ZNF385D: variants seen among roughly 807,000 people sequenced by gnomAD.
ZNF385D encodes the protein zinc finger protein 385D.
ZNF385D carries 15 observed loss-of-function variants against 35.8 expected under a neutral mutation model. That is an observed-to-expected ratio of 0.42 (90% CI 0.28 to 0.64). The LOEUF is 0.64. Ranked by LOEUF, ZNF385D falls within the 30% of genes least tolerant of loss-of-function variation. The pLI is 0.23. For synonymous variants in ZNF385D, 212 were observed against 186.8 expected (o/e 1.13, Z -1.10); for missense variants, 474 against 494.6 (o/e 0.96, Z 0.39).
In ZNF385D at chr3:21,646,522, C is replaced by G. The variant is rs1242373605; in HGVS notation, c.165+18364G>C. Among the ~76,000 whole-genome samples, 5 of 152,164 alleles carry G rather than the reference C, an allele frequency of 3.3e-5. No homozygotes were observed. Among genetic ancestry groups the G allele is most frequent in the Admixed American group, 6.5e-5 (1 of 15,276 alleles). On this transcript the variant is annotated intron_variant, in intron 2 of 7. Coordinates refer to ENST00000281523, the MANE Select transcript of ZNF385D (RefSeq NM_024697.3). This position sits in a 1 kb window ranked among gnomAD's most constrained non-coding sequence, Gnocchi z 4.3. ...AACCACAGACTATTTTCAGTAGTAA[C>G]TGAAACTAATTCAGCAAATACTAAC...
At chr3:21,440,692 T>G (rs929876151) in intron 4 of ZNF385D, among the ~76,000 whole-genome samples, 17 of 152,166 alleles carry the variant, frequency 1.1e-4, no homozygotes, top group Non-Finnish European at 2.5e-4. Flanking sequence ...GGGAACTTTC[T>G]GATATATTCT....
chr3:22,273,535 A>T (rs1267418772), intron 2 of ZNF385D, among the ~76,000 whole-genome samples: 1 of 151,998 alleles, frequency 6.6e-6, no homozygotes, highest in African/African-American at 2.4e-5. Flanking sequence ...ATAACAAAAA[A>T]TTAGTGGCTC....
intron 3 of ZNF385D, among the ~76,000 whole-genome samples, chr3:22,109,588 T>C (rs1702403212): frequency 6.6e-6 from 1 of 152,150 alleles, no homozygotes; most frequent in African/African-American, 2.4e-5. Flanking sequence ...GTGAAGAGGA[T>C]TTGAAACAAA....
chr3:21,677,352 C>A (rs1242986482), intron 1 of ZNF385D, among the ~76,000 whole-genome samples: 1 of 152,022 alleles, frequency 6.6e-6, no homozygotes, highest in Non-Finnish European at 1.5e-5. Flanking sequence ...TTGTGAATTG[C>A]AGCCTAAATA....
At chr3:21,438,628 T>TA (rs1271554965) in intron 4 of ZNF385D, among the ~76,000 whole-genome samples, 6 of 151,904 alleles carry the variant, frequency 3.9e-5, no homozygotes, top group East Asian at 1.9e-4. Flanking sequence ...GGCTGTTGTA[T>TA]AAAAAAAACT....
chr3:22,296,725 T>C (rs971556728), intron 2 of ZNF385D, among the ~76,000 whole-genome samples: 5 of 152,102 alleles, frequency 3.3e-5, no homozygotes, highest in South Asian at 2.1e-4. Flanking sequence ...GCAGCTGACA[T>C]AGAAACCTCC....
chr3:21,802,791 C>G (rs1212529659), intron 3 of ZNF385D, among the ~76,000 whole-genome samples: 1 of 152,150 alleles, frequency 6.6e-6, no homozygotes, highest in African/African-American at 2.4e-5. Flanking sequence ...GTCCACCTGT[C>G]TGCCTGTCTA....
chr3:22,267,659 G>A (rs1260257592), intron 2 of ZNF385D, among the ~76,000 whole-genome samples: 1 of 151,662 alleles, frequency 6.6e-6, no homozygotes, highest in African/African-American at 2.4e-5. Context: ...ACTTTTCTTT[G>A]TCATGTAAAA....
At chr3:21,964,997 T>C (rs1702829633) in intron 3 of ZNF385D, among the ~76,000 whole-genome samples, 1 of 152,190 alleles carries the variant, frequency 6.6e-6, no homozygotes, top group Admixed American at 6.5e-5. Context: ...TTCCATTCAG[T>C]TACATTTGTA....
intron 3 of ZNF385D, among the ~76,000 whole-genome samples, chr3:21,785,860 C>T (rs1311795313): frequency 6.6e-6 from 1 of 152,132 alleles, no homozygotes; most frequent in Non-Finnish European, 1.5e-5. Context: ...CTGAATGTGG[C>T]AATTGCTTTT....
At chr3:21,879,856 G>T (rs911631557) in intron 3 of ZNF385D, among the ~76,000 whole-genome samples, 3 of 151,896 alleles carry the variant, frequency 2.0e-5, no homozygotes, top group Non-Finnish European at 4.4e-5. Context: ...GAAAAGCGTG[G>T]ACAGTCATAC....
chr3:22,012,828 T>C (rs547194536), intron 3 of ZNF385D, among the ~76,000 whole-genome samples: 2 of 152,258 alleles, frequency 1.3e-5, no homozygotes, highest in South Asian at 4.1e-4. Context: ...TAAATTTAAG[T>C]ACTGGCAATA....
At chr3:22,296,120 T>C (rs1018329463) in intron 2 of ZNF385D, among the ~76,000 whole-genome samples, 2 of 152,148 alleles carry the variant, frequency 1.3e-5, no homozygotes, top group African/African-American at 4.8e-5. Context: ...CCATAGGTTT[T>C]AGATTATTTC....
chr3:21,908,256 T>A (rs145948971), intron 3 of ZNF385D, among the ~76,000 whole-genome samples: 1 of 151,766 alleles, frequency 6.6e-6, no homozygotes, highest in Non-Finnish European at 1.5e-5. Flanking sequence ...GATTACTGAA[T>A]TAAGAAAAAG....
intron 3 of ZNF385D, among the ~76,000 whole-genome samples, chr3:21,871,802 T>C (rs962121620): frequency 2.0e-5 from 3 of 152,022 alleles, no homozygotes; most frequent in Non-Finnish European, 2.9e-5. Flanking sequence ...GGTCAGGAGT[T>C]TGAGACCAGC....
chr3:21,544,833 C>T (rs2062315307), intron 3 of ZNF385D, among the ~76,000 whole-genome samples: 1 of 152,128 alleles, frequency 6.6e-6, no homozygotes, highest in Non-Finnish European at 1.5e-5. Flanking sequence ...CATTTAGCAG[C>T]CTAACCAAAA....
chr3:21,559,395 A>G (rs950635716), intron 3 of ZNF385D, among the ~76,000 whole-genome samples: 6 of 152,018 alleles, frequency 3.9e-5, no homozygotes, highest in Admixed American at 3.9e-4. Flanking sequence ...TCTGTAAAGG[A>G]TTTTATTTCT....
chr3:22,103,320 C>A (rs1170169739), intron 3 of ZNF385D, among the ~76,000 whole-genome samples: 40 of 151,698 alleles, frequency 2.6e-4, no homozygotes, highest in Admixed American at 2.6e-3. Context: ...TACGATTTTG[C>A]CTGAAACACA....
intron 2 of ZNF385D, among the ~76,000 whole-genome samples, chr3:22,259,113 T>G (rs1343609890): frequency 1.3e-5 from 2 of 151,948 alleles, no homozygotes; most frequent in African/African-American, 4.8e-5. Context: ...TGAGTAAATA[T>G]TTCTCTTGCA....
Sources: gnomAD v4.1 joint callset for allele counts (sites outside exome capture counted in the v4.1 genomes callset) on GRCh38, gnomAD v4.1.1 for gene constraint, Gnocchi (gnomAD v3.1) non-coding constraint, MANE v1.5 for transcripts, NCBI Gene and HGNC (gene_info 2026-07-23, HGNC 2026-07-21) for gene names.